Variants in PCDHGB1 observed in about 807,000 individuals in gnomAD.
PCDHGB1 encodes protocadherin gamma-B1.
In PCDHGB1, 34 loss-of-function variants were observed where a neutral mutation model predicts 56.6. The ratio of observed to expected loss-of-function variants is 0.60; its 90% confidence interval spans 0.46 to 0.80. The LOEUF is 0.80. Among genes scored for constraint, PCDHGB1 ranks in the 30% least tolerant of loss-of-function variants. PCDHGB1 has a pLI of 0.00. For synonymous variants in PCDHGB1, 561 were observed against 505.9 expected, an observed-to-expected ratio of 1.11 and a Z score of -1.46; for missense variants, 1,278 against 1,204.6, an observed-to-expected ratio of 1.06 and a Z score of -0.90.
At position 141,410,351 on chromosome 5, in the gene PCDHGB1, C is replaced by T. The variant is rs372351374; in HGVS notation, c.2409+57682C>T. ...TCTGGCCATTGCCTTGCGCCTGCGA[C>T]GCTCTCTCAGCCCTGCTACTTGGGA... On this transcript the variant is annotated intron_variant, in intron 1 of 3. Coordinates refer to ENST00000523390, the MANE Select transcript of PCDHGB1 (RefSeq NM_018922.3). The T allele has an allele frequency of 2.5e-6, 4 of 1,613,948 alleles. No homozygotes were observed. In the African/African-American group the frequency reaches 4.0e-5, roughly 16 times the overall value.
In PCDHGB1 at chr5:141,489,449, A is replaced by G; in HGVS notation, c.2410-5358A>G. The G allele has an allele frequency of 6.2e-7, 1 of 1,614,056 alleles. No homozygotes were observed. Among genetic ancestry groups the G allele is most frequent in the Non-Finnish European group, 8.5e-7 (1 of 1,180,016 alleles). On this transcript the variant is annotated intron_variant, in intron 1 of 3. Coordinates refer to ENST00000523390, the MANE Select transcript of PCDHGB1 (RefSeq NM_018922.3). This position sits in a 1 kb window ranked among gnomAD's most constrained non-coding sequence, Gnocchi z 4.5. ...CGGCGGCTGCAATTGGGCTCTGAGG[A>G]GAATGGGCGCTATTTTTCCCTGAGC...
At chr5:141,426,693 A>G (rs62378458) in intron 1 of PCDHGB1, 1 of 435,784 alleles carries the variant, frequency 2.3e-6, no homozygotes, top group African/African-American at 2.0e-5. Flanking sequence ...CCAAAATAGC[A>G]TTGTTTTACA....
At chr5:141,414,883 G>A (rs572616023) in intron 1 of PCDHGB1, 1 of 1,614,176 alleles carries the variant, frequency 6.2e-7, no homozygotes, top group South Asian at 1.1e-5. Context: ...CCTGTACCCC[G>A]CCCTCCCCAC....
At chr5:141,436,394 T>C (rs781428769) in intron 1 of PCDHGB1, among the ~76,000 whole-genome samples, 15 of 152,216 alleles carry the variant, frequency 9.9e-5, no homozygotes, top group Non-Finnish European at 1.9e-4. Flanking sequence ...CTTTATTAAA[T>C]AGTTGTTGAA....
At chr5:141,465,649 A>C (rs1174371552) in intron 1 of PCDHGB1, among the ~76,000 whole-genome samples, 1 of 152,200 alleles carries the variant, frequency 6.6e-6, no homozygotes, top group African/African-American at 2.4e-5. Context: ...TGAACATCCC[A>C]AAAAAGCGCT....
intron 1 of PCDHGB1, chr5:141,390,278 T>A (rs559321936): frequency 1.9e-6 from 3 of 1,614,028 alleles, no homozygotes; most frequent in Admixed American, 1.7e-5. Flanking sequence ...TGACTTCCCA[T>A]CAGGTGAGTT....
intron 1 of PCDHGB1, chr5:141,366,387 A>T: frequency 6.2e-7 from 1 of 1,614,088 alleles, no homozygotes. Flanking sequence ...GACCCTGAGG[A>T]TCTGGACCTC....
rs769671283 is a variant in PCDHGB1, at chr5:141,511,391, C to A, written c.*218C>A. 1 of 1,079,748 alleles carries A rather than the reference C, an allele frequency of 9.3e-7. No homozygotes were observed. The allele number at this position is 1,079,748 out of a possible 1,614,324, so 66.9% of individuals were successfully genotyped here. On this transcript the variant is annotated 3_prime_UTR_variant, in exon 4 of 4. Transcript: ENST00000523390. ...TGCAAAAGCAGTTCCGCTGGGAACC[C>A]CCATCCAATCAACTGCTGTACCCAT...
chr5:141,362,657 G>T, intron 1 of PCDHGB1: 1 of 1,396,950 alleles, frequency 7.2e-7, no homozygotes, highest in Non-Finnish European at 9.5e-7. Context: ...GTTAGATTTG[G>T]CCAATGTTGT....
In PCDHGB1 at chr5:141,431,339, TTGG is replaced by T. The variant is rs750589924; in HGVS notation, c.2410-63465_2410-63463del. ...AGCCGACGGTAGTAAGTACCCCGAA[TTGG>T]TGCTGAAACGCGCCCTGGACCGCGA... is the stretch of plus-strand genomic sequence containing the variant. On this transcript the variant is annotated intron_variant, in intron 1 of 3. Coordinates refer to ENST00000523390, the MANE Select transcript of PCDHGB1 (RefSeq NM_018922.3). The surrounding 1 kb of genome is among the most constrained non-coding windows in gnomAD (Gnocchi z 4.8). 4 of 1,614,060 alleles carry T rather than the reference TTGG, an allele frequency of 2.5e-6. No individual in the cohort carries two copies. The Admixed American group carries it at 6.7e-5, about 27-fold the overall frequency.
rs755169934 is a variant in PCDHGB1 at position 141,384,350 on chromosome 5, A to T, written c.2409+31681A>T. On this transcript the variant is annotated intron_variant, in intron 1 of 3. Coordinates refer to ENST00000523390, the MANE Select transcript of PCDHGB1 (RefSeq NM_018922.3). Reference sequence around the variant, plus strand: ...GCACAGGACCACGACAGTGAGGATAATGCCCAGATCACTTATTCCTTGGCC... The same window carrying T: ...GCACAGGACCACGACAGTGAGGATATTGCCCAGATCACTTATTCCTTGGCC... The T allele has an allele frequency of 1.9e-6, 3 of 1,613,690 alleles. No homozygotes were observed. In the African/African-American group the frequency reaches 4.0e-5, roughly 22 times the overall value.
intron 1 of PCDHGB1, among the ~76,000 whole-genome samples, chr5:141,425,440 A>G (rs1438530374): frequency 2.0e-5 from 3 of 152,248 alleles, no homozygotes; most frequent in Non-Finnish European, 4.4e-5. Flanking sequence ...GAGGATAAAA[A>G]TAAAACACCA....
chr5:141,371,310 G>T, intron 1 of PCDHGB1: 2 of 1,613,992 alleles, frequency 1.2e-6, no homozygotes, highest in Non-Finnish European at 1.7e-6. Flanking sequence ...CACTATTGGA[G>T]AACTGGACTT....
At chr5:141,374,231 A>T (rs1335997807) in intron 1 of PCDHGB1, 1 of 1,613,834 alleles carries the variant, frequency 6.2e-7, no homozygotes, top group East Asian at 2.2e-5. Flanking sequence ...CAACATCGTC[A>T]AGGATCTGGG....
rs201855847 is a variant in PCDHGB1 at position 141,355,838 on chromosome 5, C to A, written c.2409+3169C>A. 326 of 1,611,996 alleles carry A rather than the reference C, an allele frequency of 2.0e-4. No individual in the cohort carries two copies. The highest frequency in any genetic ancestry group is 3.5e-4 in the Admixed American group (21 of 59,702). On this transcript the variant is annotated intron_variant, in intron 1 of 3. Transcript: ENST00000523390. ...GAGGCGGTTCACCACCTCGTTCTCA[C>A]GGCCTTCGATGGAGGTGACCCGGTT...
intron 1 of PCDHGB1, among the ~76,000 whole-genome samples, chr5:141,494,498 C>G (rs2099754760): frequency 6.6e-6 from 1 of 152,138 alleles, no homozygotes; most frequent in African/African-American, 2.4e-5. Flanking sequence ...GCCTTCAGTC[C>G]TTGAATTTTG....
chr5:141,379,132 AG>A (rs1236158161), intron 1 of PCDHGB1: 1 of 152,236 alleles, frequency 6.6e-6, no homozygotes, highest in East Asian at 1.9e-4. Flanking sequence ...AAAATAAATG[AG>A]AACCTCCTTT....
chr5:141,468,648 C>G (rs60206946), intron 1 of PCDHGB1: 27,626 of 151,800 alleles, frequency 0.18, 2,687 homozygotes, highest in Admixed American at 0.28. Flanking sequence ...GGGCGGATCA[C>G]AAGGTCAGGA....
intron 1 of PCDHGB1, chr5:141,417,666 G>C (rs1487166683): frequency 3.1e-5 from 28 of 917,486 alleles, no homozygotes; most frequent in Non-Finnish European, 4.2e-5. Context: ...GGGATTCCCT[G>C]CGCAGCCAAC....
Sources: gnomAD v4.1 joint callset for allele counts (sites outside exome capture counted in the v4.1 genomes callset) on GRCh38, gnomAD v4.1.1 for gene constraint, Gnocchi (gnomAD v3.1) non-coding constraint, MANE v1.5 for transcripts, NCBI Gene and HGNC (gene_info 2026-07-23, HGNC 2026-07-21) for gene names.